HCN4: variants seen among roughly 807,000 people sequenced by gnomAD.
The protein encoded by HCN4 is potassium/sodium hyperpolarization-activated cyclic nucleotide-gated channel 4.
In HCN4, 29 loss-of-function variants were observed where a neutral mutation model predicts 76.9. The ratio of observed to expected loss-of-function variants is 0.38; its 90% confidence interval spans 0.28 to 0.51. HCN4 has a LOEUF of 0.51. Ranked by LOEUF, HCN4 falls within the 20% of genes least tolerant of loss-of-function variation. The pLI, the probability that HCN4 is intolerant of heterozygous loss-of-function variation, is 0.90. For synonymous variants in HCN4, 772 were observed against 762.5 expected, an observed-to-expected ratio of 1.01 and a Z score of -0.21; for missense variants, 1,416 against 1,715.2, an observed-to-expected ratio of 0.83 and a Z score of 3.08.
At chr15:73,357,819 A>G (rs2043088103) in intron 1 of HCN4, among the ~76,000 whole-genome samples, 1 of 151,962 alleles carries the variant, frequency 6.6e-6, no homozygotes. Context: ...TAGGTAAGAG[A>G]TCTTCCACGT....
chr15:73,332,043 C>T (rs2042936233), intron 3 of HCN4, 88 bp downstream of exon 3: 1 of 1,349,424 alleles, frequency 7.4e-7, no homozygotes, highest in Non-Finnish European at 1.1e-6. Flanking sequence ...CATGCTGGAA[C>T]TCAGAAGTTC....
intron 1 of HCN4, among the ~76,000 whole-genome samples, chr15:73,348,532 A>G (rs2043039177): frequency 1.3e-5 from 2 of 152,238 alleles, no homozygotes; most frequent in South Asian, 4.1e-4. Context: ...ACATTTTGGC[A>G]CAAATGATAT....
At chr15:73,331,996 T>C in intron 3 of HCN4, 135 bp downstream of exon 3, 3 of 813,270 alleles carry the variant, frequency 3.7e-6, no homozygotes, top group Non-Finnish European at 4.2e-6. Context: ...GGTAGAGCTA[T>C]GTGCCCCCTC....
At chr15:73,332,384 C>T (rs1422092133) in intron 2 of HCN4, 92 bp from the exon 3 acceptor site, 24 of 1,305,506 alleles carry the variant, frequency 1.8e-5, no homozygotes, top group Non-Finnish European at 2.6e-5. Flanking sequence ...CTGGTGGGCA[C>T]TGCTCTGCCT....
chr15:73,324,674 A>G (rs1188175437), intron 6 of HCN4, among the ~76,000 whole-genome samples: 1 of 152,162 alleles, frequency 6.6e-6, no homozygotes, highest in Non-Finnish European at 1.5e-5. Flanking sequence ...GCAGCCCAGA[A>G]GAGGGCCCTC....
rs1284881588 is a variant in HCN4, at chr15:73,325,987, G to C, written c.1591-543C>G. Among the ~76,000 whole-genome samples the C allele has an allele frequency of 1.3e-5, 2 of 152,144 alleles. No homozygotes were observed. The highest frequency in any genetic ancestry group is 2.9e-5 in the Non-Finnish European group (2 of 68,020). On this transcript the variant is annotated intron_variant, in intron 4 of 7. Coordinates refer to ENST00000261917, the MANE Select transcript of HCN4 (RefSeq NM_005477.3). The surrounding 1 kb of genome is among the most constrained non-coding windows in gnomAD (Gnocchi z 7.4). The stretch of plus-strand genomic sequence containing the variant: ...GAGACCCCGGGTCATTTCGTTGAGA[G>C]CAACTCCAGGTAAGGGAAAAGCAGG...
chr15:73,328,859 C>T lies in HCN4; in HGVS notation c.1590+714G>A, dbSNP rs2042915502. Among the ~76,000 whole-genome samples the T allele has an allele frequency of 6.6e-6, 1 of 152,132 alleles. No homozygotes were observed. Among genetic ancestry groups the T allele is most frequent in the Admixed American group, 6.5e-5 (1 of 15,282 alleles). On this transcript the variant is annotated intron_variant, in intron 4 of 7. Transcript: ENST00000261917. The surrounding 1 kb of genome is among the most constrained non-coding windows in gnomAD (Gnocchi z 4.0). ...GTAGGCATTGATGACAGAGAGAGGCCAGGGATGGCTCCTAGTCTCTGGCCT... is the reference window on the plus strand; with the variant it reads ...GTAGGCATTGATGACAGAGAGAGGCTAGGGATGGCTCCTAGTCTCTGGCCT...
chr15:73,322,190 G>A lies in HCN4; in HGVS notation c.*291C>T, dbSNP rs536241071. On this transcript the variant is annotated 3_prime_UTR_variant, in exon 8 of 8. Transcript: ENST00000261917. ...GCCACTCCCACCCCTGCCCAGCCCCGGAGACCCCATCTGCCTTTCTCTGGC... is the reference window on the plus strand; with the variant it reads ...GCCACTCCCACCCCTGCCCAGCCCCAGAGACCCCATCTGCCTTTCTCTGGC... 3.8e-5 allele frequency: 11 copies of A among 287,640 alleles called. No homozygotes were observed. The highest frequency in any genetic ancestry group is 6.1e-5 in the South Asian group (2 of 32,832). The allele number at this position is 287,640 out of a possible 1,614,324, so 17.8% of individuals were successfully genotyped here. A position where few individuals can be genotyped will look rare whatever the true frequency, so the allele number is the denominator to read the frequency against.
In HCN4 at chr15:73,368,160, G is replaced by A; in HGVS notation, c.111C>T (p.Ala37=). Residue 37 remains alanine (A), a synonymous_variant, in exon 1 of 8, where the codon GCC becomes GCT. Coordinates refer to ENST00000261917, the MANE Select transcript of HCN4 (RefSeq NM_005477.3). The surrounding 1 kb of genome is among the most constrained non-coding windows in gnomAD (Gnocchi z 6.9). ...DEEEDAEEEG[A]GGRQDPSRRS... is the part of the protein sequence containing the mutation. ...TGCGGCTGGGGTCTTGGCGGCCCCC[G>A]GCCCCCTCCTCCTCGGCGTCCTCTT... The A allele has an allele frequency of 6.6e-7, 1 of 1,525,524 alleles. No individual in the cohort carries two copies. Among genetic ancestry groups the A allele is most frequent in the Non-Finnish European group, 8.8e-7 (1 of 1,138,448 alleles). The allele number at this position is 1,525,524 out of a possible 1,614,324, so 94.5% of individuals were successfully genotyped here. A position where few individuals can be genotyped will look rare whatever the true frequency, so the allele number is the denominator to read the frequency against.
At chr15:73,345,845 G>A (rs980146911) in intron 1 of HCN4, among the ~76,000 whole-genome samples, 1 of 152,170 alleles carries the variant, frequency 6.6e-6, no homozygotes, top group African/African-American at 2.4e-5. Context: ...CACCCAGGCT[G>A]GAGGAGTTTC....
chr15:73,345,742 C>T (rs574014535), intron 1 of HCN4, among the ~76,000 whole-genome samples: 1 of 152,294 alleles, frequency 6.6e-6, no homozygotes, highest in South Asian at 2.1e-4. Context: ...TTCATTTAAT[C>T]TCCTGGGAAA....
At chr15:73,353,515 A>T (rs1260330521) in intron 1 of HCN4, among the ~76,000 whole-genome samples, 1 of 152,178 alleles carries the variant, frequency 6.6e-6, no homozygotes, top group African/African-American at 2.4e-5. Context: ...CATGACACAG[A>T]CACGTGACAC....
chr15:73,335,172 G>T (rs1429610574), intron 2 of HCN4: 1 of 152,224 alleles, frequency 6.6e-6, no homozygotes, highest in East Asian at 1.9e-4. Flanking sequence ...TGTTTATGTT[G>T]TCACAGCCTG....
chr15:73,363,365 C>T (rs953715784), intron 1 of HCN4, among the ~76,000 whole-genome samples: 2 of 152,182 alleles, frequency 1.3e-5, no homozygotes, highest in African/African-American at 2.4e-5. Context: ...CCCTTTCCCC[C>T]CTCAGGCATC....
intron 1 of HCN4, among the ~76,000 whole-genome samples, chr15:73,366,839 G>T (rs189727649): frequency 2.6e-5 from 4 of 152,346 alleles, no homozygotes. Flanking sequence ...CCATCACTAT[G>T]AGCAAGGTCA....
intron 1 of HCN4, among the ~76,000 whole-genome samples, chr15:73,362,945 C>A (rs1231183325): frequency 6.6e-6 from 1 of 152,216 alleles, no homozygotes; most frequent in Non-Finnish European, 1.5e-5. Context: ...GTGCACCCAG[C>A]ATCCTGGAAG....
In HCN4 at chr15:73,323,826, G is replaced by T. The variant is rs745617328; in HGVS notation, c.2267C>A (p.Ala756Glu). The T allele has an allele frequency of 2.5e-6, 4 of 1,606,166 alleles. No homozygotes were observed. Among genetic ancestry groups the T allele is most frequent in the Non-Finnish European group, 3.4e-6 (4 of 1,179,910 alleles). ...VQHDREMAHC[A>E]HRVQAAASAT... ...AGAGGCAGCAGCCTGGACGCGGTGC[G>T]CGCAGTGGGCCATCTCCCGGTCATG... Residue 756 changes from alanine (A) to glutamate (E), a missense_variant, in exon 8 of 8, where the codon GCG becomes GAG. By Grantham distance (107) the Ala-to-Glu change is moderately radical. This residue lies in a region of HCN4 where 241 missense variants were observed against 379.4 expected (regional missense o/e 0.64). Transcript: ENST00000261917.
At chr15:73,329,207 G>A (rs2042917542) in intron 4 of HCN4, among the ~76,000 whole-genome samples, 1 of 152,146 alleles carries the variant, frequency 6.6e-6, no homozygotes, top group South Asian at 2.1e-4. Flanking sequence ...AGGGGCAGGA[G>A]CAACACCGCG....
In HCN4 at chr15:73,323,363, G is replaced by T. The variant is rs200814534; in HGVS notation, c.2730C>A (p.Phe910Leu). Reference sequence around the variant, plus strand: ...ACAGGGAGCCACCCAGCGCCTTGTGGAAGTGGCCAAACCCGGCTATGGTGG... The same window carrying T: ...ACAGGGAGCCACCCAGCGCCTTGTGTAAGTGGCCAAACCCGGCTATGGTGG... ...AATTIAGFGHFHKALGGSLSS... is the reference protein window; with the variant it reads ...AATTIAGFGHLHKALGGSLSS... Residue 910 changes from phenylalanine (F) to leucine (L), a missense_variant, in exon 8 of 8, where the codon TTC (phenylalanine) becomes TTA (leucine). Physicochemically the swap from Phe to Leu is conservative, Grantham distance 22. Coordinates refer to ENST00000261917, the MANE Select transcript of HCN4 (RefSeq NM_005477.3). 7.4e-5 allele frequency: 117 copies of T among 1,578,770 alleles called. No homozygotes were observed. In the Admixed American group the frequency reaches 1.2e-3, roughly 16 times the overall value.
Sources: allele counts gnomAD v4.1 joint callset (sites outside exome capture counted in the v4.1 genomes callset), GRCh38; gene constraint gnomAD v4.1.1; regional missense constraint gnomAD v4.1.1; non-coding constraint Gnocchi (gnomAD v3.1); transcripts MANE v1.5; gene names NCBI Gene and HGNC (gene_info 2026-07-23, HGNC 2026-07-21).